The following PCDHA13 variants were observed in gnomAD, a reference collection of about 807,000 sequenced individuals.
PCDHA13 encodes the protein protocadherin alpha-13.
In PCDHA13, 54 loss-of-function variants were observed where a neutral mutation model predicts 64.8. That is an observed-to-expected ratio of 0.83 (90% CI 0.67 to 1.04). The LOEUF (loss-of-function observed/expected upper bound fraction) is 1.04. PCDHA13 is among the 50% of genes least tolerant of loss of function. The pLI is 0.00. For synonymous variants in PCDHA13, 587 were observed against 564.4 expected (o/e 1.04, Z -0.57); for missense variants, 1,248 against 1,254.3 (o/e 0.99, Z 0.08).
Position 140,882,667 on chromosome 5 carries a change from C to A in PCDHA13, c.399C>A (p.Phe133Leu). 6.2e-7 allele frequency: 1 copy of A among 1,614,160 alleles called. No homozygotes were observed. Among genetic ancestry groups the A allele is most frequent in the Middle Eastern group, 1.6e-4 (1 of 6,062 alleles). ...VRDINDNPPIFPESKKRIIIA... is the reference protein window; with the variant it reads ...VRDINDNPPILPESKKRIIIA... ...ACATTAACGACAACCCGCCCATATT[C>A]CCTGAAAGCAAGAAACGAATAATCA... is the stretch of plus-strand genomic sequence containing the variant. The change falls in exon 1 of 4, where the codon TTC becomes TTA. Residue 133 changes from phenylalanine to leucine, a missense_variant. Coordinates refer to ENST00000289272, the MANE Select transcript of PCDHA13 (RefSeq NM_018904.3).
intron 1 of PCDHA13, among the ~76,000 whole-genome samples, chr5:140,923,099 G>A (rs1164124655): frequency 6.6e-6 from 1 of 152,168 alleles, no homozygotes; most frequent in Non-Finnish European, 1.5e-5. Flanking sequence ...ACCAATGGGA[G>A]TATGATTTTA....
At chr5:141,006,299 C>T (rs2098266808) in intron 3 of PCDHA13, among the ~76,000 whole-genome samples, 1 of 152,064 alleles carries the variant, frequency 6.6e-6, no homozygotes, top group Non-Finnish European at 1.5e-5. Flanking sequence ...GCAAGCTCCA[C>T]TTCCCGGGTT....
chr5:140,949,935 T>C (rs1554219235), intron 1 of PCDHA13, among the ~76,000 whole-genome samples: 1 of 151,898 alleles, frequency 6.6e-6, no homozygotes, highest in East Asian at 1.9e-4. Context: ...TTTTTTTTAA[T>C]TTGCATTTTT....
chr5:140,883,878 C>T lies in PCDHA13; in HGVS notation c.1610C>T (p.Ala537Val). The change falls in exon 1 of 4, where the codon GCG becomes GTG. Residue 537 changes from alanine to valine, a missense_variant. Physicochemically the swap from Ala to Val is moderately conservative, Grantham distance 64. Coordinates refer to ENST00000289272, the MANE Select transcript of PCDHA13 (RefSeq NM_018904.3). ...GAGCTGTTGCAGTTCCAGGTGAGCG[C>T]GCGCGACTCTGGCGTGCCGCCTCTG... ...ELELLQFQVS[A>V]RDSGVPPLGS... The T allele has an allele frequency of 1.9e-6, 3 of 1,613,260 alleles. No individual in the cohort carries two copies. The highest frequency in any genetic ancestry group is 1.7e-4 in the Middle Eastern group (1 of 5,720).
intron 1 of PCDHA13, chr5:140,967,103 C>T: frequency 6.2e-7 from 1 of 1,613,024 alleles, no homozygotes; most frequent in Non-Finnish European, 8.5e-7. Context: ...GCTGTGTGAG[C>T]AGCGGCCTCG....
intron 1 of PCDHA13, 85 bp downstream of exon 1, chr5:140,884,747 T>A: frequency 7.0e-7 from 1 of 1,433,190 alleles, no homozygotes; most frequent in African/African-American, 1.4e-5. Context: ...TCCTGCCAAT[T>A]TCAAATTATT....
At chr5:140,924,477 T>C (rs1378646713) in intron 1 of PCDHA13, among the ~76,000 whole-genome samples, 1 of 152,230 alleles carries the variant, frequency 6.6e-6, no homozygotes, top group Admixed American at 6.5e-5. Context: ...AACTGGTTTT[T>C]AGTGGAACAC....
At chr5:140,898,511 G>A (rs373963449) in intron 1 of PCDHA13, among the ~76,000 whole-genome samples, 16 of 151,912 alleles carry the variant, frequency 1.1e-4, no homozygotes, top group South Asian at 4.2e-4. Context: ...GATATGCGGC[G>A]TTATTTCTGA....
chr5:140,899,050 G>A (rs1554188361), intron 1 of PCDHA13, among the ~76,000 whole-genome samples: 2 of 152,016 alleles, frequency 1.3e-5, no homozygotes, highest in African/African-American at 4.8e-5. Context: ...TGTATCCTGA[G>A]ACTTTGCTGA....
At chr5:141,006,951 T>TA (rs1428990680) in intron 3 of PCDHA13, among the ~76,000 whole-genome samples, 1 of 152,164 alleles carries the variant, frequency 6.6e-6, no homozygotes, top group Non-Finnish European at 1.5e-5. Context: ...GATAGGCAGT[T>TA]ATACATGAGA....
At position 140,882,262 on chromosome 5, in the gene PCDHA13, G is replaced by A. The variant is rs907928710; in HGVS notation, c.-7G>A. On this transcript the variant is annotated 5_prime_UTR_variant, in exon 1 of 4. The change creates a new upstream start codon in the 5' untranslated region. Transcript: ENST00000289272. ...TGCAGATAGCTCTGAGGTTTTTGGA[G>A]TGTACCATGCTGTCTTCCTGGCAAG... 14 of 1,605,126 alleles carry A rather than the reference G, an allele frequency of 8.7e-6. No homozygotes were observed. Among genetic ancestry groups the A allele is most frequent in the Non-Finnish European group, 1.2e-5 (14 of 1,174,746 alleles).
intron 1 of PCDHA13, among the ~76,000 whole-genome samples, chr5:140,923,268 G>C (rs2081286092): frequency 6.6e-6 from 1 of 152,154 alleles, no homozygotes; most frequent in Non-Finnish European, 1.5e-5. Context: ...GTGAGACCTT[G>C]TCTCTACAAA....
intron 3 of PCDHA13, among the ~76,000 whole-genome samples, chr5:141,000,419 A>ATTTT (rs1563652468): frequency 3.0e-4 from 18 of 60,988 alleles, no homozygotes; most frequent in East Asian, 5.4e-4. Context: ...ATATATATAT[A>ATTTT]TATTTTTTTT....
At chr5:140,927,063 C>G in intron 1 of PCDHA13, 1 of 1,611,332 alleles carries the variant, frequency 6.2e-7, no homozygotes. Context: ...ACTTTCGCTT[C>G]CTTTCCAGCC....
At chr5:140,944,617 G>A (rs374007868) in intron 1 of PCDHA13, among the ~76,000 whole-genome samples, 6 of 152,192 alleles carry the variant, frequency 3.9e-5, no homozygotes, top group African/African-American at 1.4e-4. Flanking sequence ...TGCTGTAGAA[G>A]TATAGTGTTG....
chr5:140,995,861 A>G (rs2097700846), intron 3 of PCDHA13, among the ~76,000 whole-genome samples: 1 of 152,220 alleles, frequency 6.6e-6, no homozygotes. Context: ...GTATCACTTA[A>G]TAATTGTGCA....
At chr5:140,987,643 A>G (rs1205279586) in intron 3 of PCDHA13, among the ~76,000 whole-genome samples, 1 of 152,232 alleles carries the variant, frequency 6.6e-6, no homozygotes, top group Non-Finnish European at 1.5e-5. Context: ...ATGCACACAT[A>G]TTGCAGAATC....
chr5:140,982,545 G>C lies in PCDHA13; in HGVS notation c.2524G>C (p.Val842Leu), dbSNP rs782544627. The change falls in exon 3 of 4, where the codon GTA becomes CTA. Residue 842 changes from valine (V) to leucine (L), a missense_variant. Val to Leu is a conservative substitution (Grantham distance 32). Transcript: ENST00000289272. The stretch of plus-strand genomic sequence containing the variant: ...AGGGCCTGATCAGCAGTGGCCAACA[G>C]TATCCAGTGCAACACCAGGTAAAGA... ...PGGPDQQWPT[V>L]SSATPEPEAG... The C allele has an allele frequency of 6.2e-6, 10 of 1,614,088 alleles. No individual in the cohort carries two copies. The East Asian group carries it at 2.2e-4, about 36-fold the overall frequency.
intron 1 of PCDHA13, among the ~76,000 whole-genome samples, chr5:140,946,752 A>G (rs1470208958): frequency 9.2e-5 from 14 of 151,470 alleles, no homozygotes; most frequent in African/African-American, 3.4e-4. Context: ...CAAATACTGC[A>G]TGATCTCATT....
Sources: allele counts gnomAD v4.1 joint callset (sites outside exome capture counted in the v4.1 genomes callset), GRCh38; gene constraint gnomAD v4.1.1; transcripts MANE v1.5; gene names NCBI Gene and HGNC (gene_info 2026-07-23, HGNC 2026-07-21).